The following SPAG1 variants were observed in gnomAD, a reference collection of about 807,000 sequenced individuals.
The protein encoded by SPAG1 is sperm associated antigen 1, also known as sperm-associated antigen 1.
In SPAG1, 69 loss-of-function variants were observed where a neutral mutation model predicts 100.5. That is an observed-to-expected ratio of 0.69 (90% confidence interval 0.57 to 0.84). The LOEUF (loss-of-function observed/expected upper bound fraction) is 0.84, where lower values mean the gene tolerates loss of function less well. Among genes scored for constraint, SPAG1 ranks in the 40% least tolerant of loss-of-function variants. The pLI, the probability that SPAG1 is intolerant of heterozygous loss-of-function variation, is 0.00. For missense variants in SPAG1, 955 were observed against 1,133.1 expected (o/e 0.84, Z 2.26); for synonymous variants, 336 against 411.6 (o/e 0.82, Z 2.22).
At chr8:100,213,728 C>G (rs1405959795) in intron 11 of SPAG1, 91 bp from the exon 12 acceptor site, 1 of 793,712 alleles carries the variant, frequency 1.3e-6, no homozygotes, top group African/African-American at 1.7e-5. Context: ...TGCAGTGCCA[C>G]CCCACCGGAG....
intron 10 of SPAG1, among the ~76,000 whole-genome samples, chr8:100,202,506 C>T (rs2439463): frequency 0.39 from 57,959 of 149,676 alleles, 11,377 homozygotes; most frequent in East Asian, 0.61. Context: ...GTCAGGAGAT[C>T]GAGACCATCC....
Position 100,213,357 on chromosome 8 carries a change from T to C in SPAG1, c.1364T>C (p.Leu455Pro). ...PAGLKSQGNELFRSGQFAEAA... is the reference protein window; with the variant it reads ...PAGLKSQGNEPFRSGQFAEAA... ...GGCCTGAAGAGCCAGGGCAACGAGCTGTTCCGAAGCGGGCAGTTCGCCGAG... is the reference window on the plus strand; with the variant it reads ...GGCCTGAAGAGCCAGGGCAACGAGCCGTTCCGAAGCGGGCAGTTCGCCGAG... The change falls in exon 11 of 19, where the codon CTG becomes CCG. Residue 455 changes from leucine (L) to proline (P), a missense_variant. Leu to Pro is a moderately conservative substitution (Grantham distance 98). Transcript: ENST00000388798. The C allele has an allele frequency of 7.0e-7, 1 of 1,426,770 alleles. No individual in the cohort carries two copies. Among genetic ancestry groups the C allele is most frequent in the Non-Finnish European group, 9.2e-7 (1 of 1,085,844 alleles). The allele number at this position is 1,426,770 out of a possible 1,614,324, so 88.4% of individuals were successfully genotyped here. A position where few individuals can be genotyped will look rare whatever the true frequency, so the allele number is the denominator to read the frequency against.
intron 10 of SPAG1, among the ~76,000 whole-genome samples, chr8:100,212,141 G>C (rs1817743086): frequency 6.6e-6 from 1 of 152,180 alleles, no homozygotes. Context: ...ATTTATTAAT[G>C]TGTTTTTATA....
chr8:100,176,363 T>C (rs1816115010), intron 3 of SPAG1, among the ~76,000 whole-genome samples: 1 of 151,842 alleles, frequency 6.6e-6, no homozygotes, highest in African/African-American at 2.4e-5. Context: ...CTTTTTTTTT[T>C]TCTTTCTTTC....
rs750270074 is a variant in SPAG1 at position 100,225,246 on chromosome 8, G to C, written c.1762G>C (p.Ala588Pro). ...EKLSPIPAVP[A>P]SVPLQAWHPA... ...GCTGTCACCTATTCCTGCTGTGCCTGCTTCTGTGCCACTGCAAGCTTGGCA... is the reference window on the plus strand; with the variant it reads ...GCTGTCACCTATTCCTGCTGTGCCTCCTTCTGTGCCACTGCAAGCTTGGCA... The change falls in exon 14 of 19, where the codon GCT (alanine) becomes CCT (proline). Residue 588 changes from alanine (A) to proline (P), a missense_variant. Transcript: ENST00000388798. The C allele has an allele frequency of 1.6e-5, 26 of 1,613,776 alleles. No individual in the cohort carries two copies. Among genetic ancestry groups the C allele is most frequent in the Non-Finnish European group, 2.1e-5 (25 of 1,179,928 alleles).
At chr8:100,234,822 C>T (rs527736370) in intron 16 of SPAG1, among the ~76,000 whole-genome samples, 4 of 152,054 alleles carry the variant, frequency 2.6e-5, no homozygotes, top group Non-Finnish European at 4.4e-5. Flanking sequence ...GTAGGCCATG[C>T]TGAGGAGGCT....
chr8:100,181,498 G>T (rs1402519987), intron 4 of SPAG1, among the ~76,000 whole-genome samples: 1 of 152,200 alleles, frequency 6.6e-6, no homozygotes, highest in Middle Eastern at 3.2e-3. Context: ...ACCACAGGAA[G>T]TGGTTGGCAT....
At chr8:100,176,219 C>T (rs1199476219) in intron 3 of SPAG1, among the ~76,000 whole-genome samples, 1 of 152,164 alleles carries the variant, frequency 6.6e-6, no homozygotes, top group Non-Finnish European at 1.5e-5. Context: ...AAACCTTTTT[C>T]TAAAATTCAA....
In SPAG1 at chr8:100,213,209, C is replaced by A; in HGVS notation, c.1216C>A (p.Arg406=). 7.0e-7 allele frequency: 1 copy of A among 1,438,106 alleles called. No homozygotes were observed. Among genetic ancestry groups the A allele is most frequent in the Non-Finnish European group, 9.1e-7 (1 of 1,098,572 alleles). 89.1% of individuals were successfully genotyped at this position (1,438,106 alleles called of 1,614,324 possible). The change falls in exon 11 of 19, where the codon CGG becomes AGG. Residue 406 remains arginine (R), a synonymous_variant. Transcript: ENST00000388798. ...GCGGCCGGCAAGGGGCGCGCCGCAG[C>A]GGGGCCAGACCCCGGAGGCCGGCGC... ...GKRPARGAPQ[R]GQTPEAGADK... is the part of the protein sequence containing the mutation.
At chr8:100,209,644 C>T (rs562952376) in intron 10 of SPAG1, among the ~76,000 whole-genome samples, 1 of 152,014 alleles carries the variant, frequency 6.6e-6, no homozygotes, top group South Asian at 2.1e-4. Flanking sequence ...CCTATGATTA[C>T]AGGATATATT....
At chr8:100,193,477 A>C (rs2514713) in intron 9 of SPAG1, among the ~76,000 whole-genome samples, 50,145 of 152,066 alleles carry the variant, frequency 0.33, 8,840 homozygotes, top group East Asian at 0.51. Flanking sequence ...AACAACACCA[A>C]CAACAACAAA....
chr8:100,212,535 G>T lies in SPAG1; in HGVS notation c.1097-555G>T, dbSNP rs185533366. Among the ~76,000 whole-genome samples, 1,127 of 152,282 alleles carry T rather than the reference G, an allele frequency of 7.4e-3. 10 individuals carry two copies. Among genetic ancestry groups the T allele is most frequent in the Middle Eastern group, 0.024 (7 of 294 alleles). On this transcript the variant is annotated intron_variant, in intron 10 of 18. Coordinates refer to ENST00000388798, the MANE Select transcript of SPAG1 (RefSeq NM_003114.5). The stretch of plus-strand genomic sequence containing the variant: ...GGCAATGGGATGGAAAATTTGCTGT[G>T]TTTTTAAGGCTCCCTTTAAGTTTAA...
intron 13 of SPAG1, among the ~76,000 whole-genome samples, chr8:100,221,151 A>G (rs1019871855): frequency 2.0e-5 from 3 of 152,202 alleles, no homozygotes; most frequent in Non-Finnish European, 2.9e-5. Flanking sequence ...GAAAACTGCT[A>G]TGTTGAATCC....
chr8:100,181,312 G>T (rs915084397), intron 4 of SPAG1, among the ~76,000 whole-genome samples: 1 of 152,066 alleles, frequency 6.6e-6, no homozygotes, highest in Non-Finnish European at 1.5e-5. Context: ...ATTTTGAAAT[G>T]CTTACCACAG....
intron 3 of SPAG1, among the ~76,000 whole-genome samples, chr8:100,171,996 G>A (rs1815877886): frequency 6.6e-6 from 1 of 151,954 alleles, no homozygotes; most frequent in Non-Finnish European, 1.5e-5. Flanking sequence ...TCCAGTTCAA[G>A]TGATTCTCCC....
intron 1 of SPAG1, 95 bp from the exon 2 acceptor site, chr8:100,162,184 C>CA (rs1469286752): frequency 6.4e-6 from 7 of 1,096,678 alleles, no homozygotes; most frequent in Non-Finnish European, 3.9e-6. Context: ...TTTAAAAATT[C>CA]AAAAAAATAC....
intron 5 of SPAG1, among the ~76,000 whole-genome samples, chr8:100,183,733 T>C (rs1265476045): frequency 6.6e-6 from 1 of 152,180 alleles, no homozygotes; most frequent in Non-Finnish European, 1.5e-5. Flanking sequence ...GTCAAAATTT[T>C]AATTTCAAAG....
chr8:100,213,050 G>C (rs1817795138), intron 10 of SPAG1, 40 bp from the exon 11 acceptor site: 5 of 1,320,628 alleles, frequency 3.8e-6, no homozygotes, highest in Non-Finnish European at 4.9e-6. Context: ...ACTGCTCCCG[G>C]TGATGCAAAC....
chr8:100,202,748 G>T (rs1817342159), intron 10 of SPAG1, among the ~76,000 whole-genome samples: 1 of 143,702 alleles, frequency 7.0e-6, no homozygotes, highest in African/African-American at 2.6e-5. Context: ...AGAATCAACT[G>T]GCCATAGATG....
Sources: gnomAD v4.1 joint callset for allele counts (sites outside exome capture counted in the v4.1 genomes callset) on GRCh38, gnomAD v4.1.1 for gene constraint, MANE v1.5 for transcripts, NCBI Gene and HGNC (gene_info 2026-07-23, HGNC 2026-07-21) for gene names.